Variants in DNAAF8 observed in about 807,000 individuals in gnomAD.
DNAAF8 encodes the protein dynein axonemal-associated protein 1.
Under a neutral mutation model 54.6 loss-of-function variants are expected in DNAAF8, and 61 were observed. The observed-to-expected ratio is 1.12, with a 90% CI of 0.91 to 1.38. DNAAF8 has a LOEUF of 1.38. DNAAF8 is among the 40% of genes most tolerant of loss of function. DNAAF8 has a pLI of 0.00. For synonymous variants in DNAAF8, 320 were observed against 270.1 expected (o/e 1.18, Z -1.81); for missense variants, 837 against 665.0 (o/e 1.26, Z -2.85).
intron 1 of DNAAF8, among the ~76,000 whole-genome samples, chr16:4,735,466 C>G (rs2081875425): frequency 6.6e-6 from 1 of 152,070 alleles, no homozygotes; most frequent in Non-Finnish European, 1.5e-5. Flanking sequence ...GCACTGACTG[C>G]AGGGCCAAAG....
intron 3 of DNAAF8, among the ~76,000 whole-genome samples, chr16:4,738,377 T>C: frequency 6.6e-6 from 1 of 152,206 alleles, no homozygotes; most frequent in Non-Finnish European, 1.5e-5. Context: ...ACTACACTGC[T>C]ACAGGCTACA....
At position 4,747,467 on chromosome 16, in the gene DNAAF8, G is replaced by A. The variant is rs749824660; in HGVS notation, c.1405G>A (p.Ala469Thr). 7 of 1,613,162 alleles carry A rather than the reference G, an allele frequency of 4.3e-6. No individual in the cohort carries two copies. The highest frequency in any genetic ancestry group is 5.9e-6 in the Non-Finnish European group (7 of 1,179,996). ...GAGGGCTCAGGCCCCTGAAGACACA[G>A]CTGGATCACGAACTGGGAGGAAGCA... Reference protein sequence around the residue: ...GGRAQAPEDTAGSRTGRKQHM... With the variant: ...GGRAQAPEDTTGSRTGRKQHM... The change falls in exon 9 of 10, where the codon GCT becomes ACT. Residue 469 changes from alanine to threonine, a missense_variant. Transcript: ENST00000299320.
intron 1 of DNAAF8, chr16:4,735,382 T>C (rs2081872466): frequency 6.6e-6 from 1 of 152,216 alleles, no homozygotes; most frequent in Admixed American, 6.5e-5. Context: ...ACCTGCCCTA[T>C]TCCCAGAAGT....
intron 9 of DNAAF8, 33 bp from the exon 10 acceptor site, chr16:4,748,692 G>C (rs2082049408): frequency 6.6e-6 from 1 of 152,450 alleles, no homozygotes; most frequent in Non-Finnish European, 1.5e-5. Flanking sequence ...CCCTGACCTG[G>C]GCACCTGTTT....
intron 8 of DNAAF8, 118 bp from the exon 9 acceptor site, chr16:4,747,225 T>C (rs759989): frequency 0.62 from 829,652 of 1,341,252 alleles, 258,604 homozygotes; most frequent in East Asian, 0.69. Flanking sequence ...GCTGCCTGAA[T>C]TGCATTCTTG....
rs200746057 is a variant in DNAAF8 at position 4,740,673 on chromosome 16, C to T, written c.783+14C>T. ...CTCTCGCTCCAGGTAGGCGCCTCCC[C>T]GTGCCTGGCTGTTTCTCAGGCCTGT... On this transcript the variant is annotated intron_variant, in intron 4 of 9. Coordinates refer to ENST00000299320, the MANE Select transcript of DNAAF8 (RefSeq NM_139170.3). The T allele has an allele frequency of 1.1e-5, 18 of 1,565,420 alleles. No individual in the cohort carries two copies. Among genetic ancestry groups the T allele is most frequent in the Middle Eastern group, 1.8e-4 (1 of 5,434 alleles).
chr16:4,735,974 T>C (rs2081890748), intron 1 of DNAAF8, among the ~76,000 whole-genome samples: 1 of 152,064 alleles, frequency 6.6e-6, no homozygotes, highest in Admixed American at 6.5e-5. Context: ...AAAAGCAAGG[T>C]GTCTTCTGTT....
intron 1 of DNAAF8, among the ~76,000 whole-genome samples, chr16:4,735,436 C>T (rs1349067608): frequency 3.3e-5 from 5 of 152,108 alleles, no homozygotes; most frequent in Non-Finnish European, 7.4e-5. Context: ...CCTGCCGCTG[C>T]CCTGATTGGG....
Position 4,740,218 on chromosome 16 carries a change from T to G in DNAAF8, c.342T>G (p.Asp114Glu). 2 of 1,614,050 alleles carry G rather than the reference T, an allele frequency of 1.2e-6. No homozygotes were observed. Among genetic ancestry groups the G allele is most frequent in the Non-Finnish European group, 1.7e-6 (2 of 1,179,988 alleles). Residue 114 changes from aspartate to glutamate, a missense_variant, in exon 4 of 10, where the codon GAT becomes GAG. Physicochemically the swap from Asp to Glu is conservative, Grantham distance 45. Coordinates refer to ENST00000299320, the MANE Select transcript of DNAAF8 (RefSeq NM_139170.3). Reference sequence around the variant, plus strand: ...GCAGACAGAACACAAGGACAAAGGATGCATCCTCTCAGGAAGGAAGAGACC... The same window carrying G: ...GCAGACAGAACACAAGGACAAAGGAGGCATCCTCTCAGGAAGGAAGAGACC... Reference protein sequence around the residue: ...PGCRQNTRTKDASSQEGRDPG... With the variant: ...PGCRQNTRTKEASSQEGRDPG...
chr16:4,741,760 G>A (rs1320906728), intron 4 of DNAAF8, among the ~76,000 whole-genome samples: 3 of 152,078 alleles, frequency 2.0e-5, no homozygotes, highest in Admixed American at 6.6e-5. Flanking sequence ...TCCAGTTTGG[G>A]TGACAGAGCG....
intron 2 of DNAAF8, 124 bp from the exon 3 acceptor site, chr16:4,737,676 C>T (rs1275914624): frequency 8.2e-5 from 101 of 1,234,390 alleles, no homozygotes; most frequent in South Asian, 3.5e-4. Context: ...CAGGGCTGGA[C>T]GGGCTGGATG....
Position 4,746,504 on chromosome 16 carries a change from C to T in DNAAF8, c.1173C>T (p.Ser391=), listed in dbSNP as rs2082019250. The T allele has an allele frequency of 5.0e-6, 8 of 1,613,442 alleles. No homozygotes were observed. Among genetic ancestry groups the T allele is most frequent in the Non-Finnish European group, 6.8e-6 (8 of 1,179,880 alleles). ...AGATGGAGCTACCAGACCACCTGTC[C>T]CCAGAAAGGTCCGGAGGGCAGTGAC... is the stretch of plus-strand genomic sequence containing the variant. The part of the protein sequence containing the change: ...LRQMELPDHL[S]PESSSHSSSD... The change falls in exon 7 of 10, where the codon TCC becomes TCT. Residue 391 remains serine (S), a synonymous_variant. Coordinates refer to ENST00000299320, the MANE Select transcript of DNAAF8 (RefSeq NM_139170.3).
At chr16:4,737,725 G>C in intron 2 of DNAAF8, 75 bp from the exon 3 acceptor site, 2 of 1,536,450 alleles carry the variant, frequency 1.3e-6, no homozygotes, top group Non-Finnish European at 1.8e-6. Context: ...GTGGAGAGTG[G>C]AGAGCGGGGG....
rs572352973 is a variant in DNAAF8 at position 4,743,125 on chromosome 16, C to T, written c.866C>T (p.Thr289Ile). The T allele has an allele frequency of 6.2e-7, 1 of 1,611,266 alleles. No homozygotes were observed. The highest frequency in any genetic ancestry group is 2.2e-5 in the East Asian group (1 of 44,618). The change falls in exon 5 of 10, where the codon ACT becomes ATT. Residue 289 changes from threonine to isoleucine, a missense_variant. Transcript: ENST00000299320. ...EDNQGNRAPG[T>I]VWWAADHRQV... ...AACCAGGGAAATCGTGCACCTGGAACTGTGTGGTGGGCAGCTGACCACCGC... is the reference window on the plus strand; with the variant it reads ...AACCAGGGAAATCGTGCACCTGGAATTGTGTGGTGGGCAGCTGACCACCGC...
intron 8 of DNAAF8, 82 bp downstream of exon 8, chr16:4,747,107 C>T (rs1358015001): frequency 1.2e-5 from 17 of 1,372,138 alleles, no homozygotes; most frequent in South Asian, 2.7e-5. Context: ...GCACATTTAC[C>T]GCCTGTGGTG....
At chr16:4,741,999 T>A (rs1220980929) in intron 4 of DNAAF8, among the ~76,000 whole-genome samples, 1 of 152,232 alleles carries the variant, frequency 6.6e-6, no homozygotes, top group Non-Finnish European at 1.5e-5. Context: ...TACTACTGTT[T>A]AAATCAACCG....
At chr16:4,743,186 C>T (rs201791713) in intron 5 of DNAAF8, 26 bp downstream of exon 5, 78 of 1,493,942 alleles carry the variant, frequency 5.2e-5, no homozygotes, top group Admixed American at 7.8e-5. Flanking sequence ...CTGGAGCCCA[C>T]GTGAATCCCC....
At position 4,744,915 on chromosome 16, in the gene DNAAF8, C is replaced by G; in HGVS notation, c.947C>G (p.Ala316Gly). ...SAHNRLMEQL[A>G]LLCTTQSKAS... ...CACAACAGGCTCATGGAACAGCTGG[C>G]CCTCCTGTGCACCACGCAGTCCAAG... Residue 316 changes from alanine (A) to glycine (G), a missense_variant, in exon 6 of 10, where the codon GCC becomes GGC. Transcript: ENST00000299320. 6.2e-7 allele frequency: 1 copy of G among 1,613,780 alleles called. No individual in the cohort carries two copies. Among genetic ancestry groups the G allele is most frequent in the Non-Finnish European group, 8.5e-7 (1 of 1,179,924 alleles).
At position 4,743,148 on chromosome 16, in the gene DNAAF8, C is replaced by G; in HGVS notation, c.889C>G (p.Arg297Gly). The G allele has an allele frequency of 6.2e-7, 1 of 1,602,790 alleles. No individual in the cohort carries two copies. Residue 297 changes from arginine to glycine, a missense_variant, in exon 5 of 10, where the codon CGC (arginine) becomes GGC (glycine). Physicochemically the swap from Arg to Gly is moderately radical, Grantham distance 125 (BLOSUM62 -2). Coordinates refer to ENST00000299320, the MANE Select transcript of DNAAF8 (RefSeq NM_139170.3). Reference protein sequence around the residue: ...PGTVWWAADHRQVQDRMVPSA... With the variant: ...PGTVWWAADHGQVQDRMVPSA... ...AACTGTGTGGTGGGCAGCTGACCAC[C>G]GCCAAGTTCAAGGTCTGACCTTGAA...
Sources: allele counts gnomAD v4.1 joint callset (sites outside exome capture counted in the v4.1 genomes callset), GRCh38; gene constraint gnomAD v4.1.1; transcripts MANE v1.5; gene names NCBI Gene and HGNC (gene_info 2026-07-23, HGNC 2026-07-21).